SPG11: variants seen among roughly 807,000 people sequenced by gnomAD.
The protein encoded by SPG11 is SPG11 vesicle trafficking associated, spatacsin.
A neutral mutation model predicts 274.0 loss-of-function variants in SPG11; 222 were observed. The observed-to-expected ratio is 0.81, with a 90% CI of 0.73 to 0.91. The LOEUF is 0.91. Among genes scored for constraint, SPG11 ranks in the 40% least tolerant of loss-of-function variants. SPG11 has a pLI of 0.00. For synonymous variants in SPG11, 1,144 were observed against 1,039.7 expected, an observed-to-expected ratio of 1.10 and a Z score of -1.93; for missense variants, 3,114 against 2,872.7, an observed-to-expected ratio of 1.08 and a Z score of -1.92.
intron 33 of SPG11, chr15:44,572,372 C>T (rs1316698514): frequency 2.7e-6 from 1 of 373,016 alleles, no homozygotes; most frequent in South Asian, 2.3e-5. Flanking sequence ...ATGTAATCAG[C>T]TTTCCTAAGG....
chr15:44,588,934 T>G (rs1184827725), intron 28 of SPG11, among the ~76,000 whole-genome samples: 3 of 152,190 alleles, frequency 2.0e-5, no homozygotes, highest in Non-Finnish European at 4.4e-5. Context: ...AGTGTATGTC[T>G]TGATCTGTTG....
Position 44,569,399 on chromosome 15 carries a change from G to A in SPG11, c.6584C>T (p.Pro2195Leu), listed in dbSNP as rs765217079. Reference protein sequence around the residue: ...FEVLMRKKLDPSGTLKTALLD... With the variant: ...FEVLMRKKLDLSGTLKTALLD... The stretch of plus-strand genomic sequence containing the variant: ...TGGAGCTCATTACTTTGCACCTACC[G>A]GATCCAACTTCTTCCTCATTAGCAC... The change falls in exon 35 of 40, where the codon CCG becomes CTG. Residue 2195 changes from proline (P) to leucine (L), a missense_variant and splice_region_variant. Physicochemically the swap from Pro to Leu is moderately conservative, Grantham distance 98 (BLOSUM62 -3). Transcript: ENST00000261866. 25 of 1,596,854 alleles carry A rather than the reference G, an allele frequency of 1.6e-5. No homozygotes were observed. The highest frequency in any genetic ancestry group is 1.7e-4 in the Middle Eastern group (1 of 6,056).
chr15:44,571,633 GA>G (rs2082428071), intron 33 of SPG11, among the ~76,000 whole-genome samples: 1 of 151,794 alleles, frequency 6.6e-6, no homozygotes, highest in East Asian at 1.9e-4. Flanking sequence ...GAGTAGCTGG[GA>G]CTACAGGCAC....
chr15:44,622,430 G>A, intron 12 of SPG11, 83 bp from the exon 13 acceptor site: 1 of 1,119,392 alleles, frequency 8.9e-7, no homozygotes, highest in Non-Finnish European at 1.3e-6. Flanking sequence ...ATCAAATAAG[G>A]TAGTGCTGGG....
intron 36 of SPG11, 65 bp downstream of exon 36, chr15:44,567,359 A>AAAG: frequency 6.3e-7 from 1 of 1,579,428 alleles, no homozygotes; most frequent in East Asian, 2.3e-5. Context: ...CAAAAAAAAA[A>AAAG]AAAAAAAAGG....
intron 7 of SPG11, among the ~76,000 whole-genome samples, chr15:44,639,733 G>C (rs1356642761): frequency 2.0e-5 from 3 of 151,546 alleles, no homozygotes; most frequent in Admixed American, 6.6e-5. Context: ...TACATACAAG[G>C]ATTTGAAAAG....
At chr15:44,599,845 CTCA>C (rs1475974234) in intron 21 of SPG11, among the ~76,000 whole-genome samples, 1 of 152,038 alleles carries the variant, frequency 6.6e-6, no homozygotes, top group African/African-American at 2.4e-5. Flanking sequence ...GAATTCACAT[CTCA>C]TCATATAATT....
At chr15:44,590,024 G>A (rs2082865733) in intron 27 of SPG11, among the ~76,000 whole-genome samples, 1 of 152,118 alleles carries the variant, frequency 6.6e-6, no homozygotes, top group Non-Finnish European at 1.5e-5. Context: ...GGTCAGACTG[G>A]TCTCGAACTC....
At chr15:44,563,816 G>A (rs1595813884) in intron 39 of SPG11, among the ~76,000 whole-genome samples, 1 of 152,128 alleles carries the variant, frequency 6.6e-6, no homozygotes, top group Non-Finnish European at 1.5e-5. Context: ...TTGAGTGAGG[G>A]CTGTCAGCTC....
At chr15:44,628,898 T>G in intron 9 of SPG11, 54 bp from the exon 10 acceptor site, 1 of 1,502,104 alleles carries the variant, frequency 6.7e-7, no homozygotes, top group Non-Finnish European at 9.2e-7. Context: ...ATATAAACCA[T>G]GAGCTGTTAT....
Position 44,598,675 on chromosome 15 carries a change from C to T in SPG11, c.3848G>A (p.Cys1283Tyr), listed in dbSNP as rs745718551. The T allele has an allele frequency of 5.0e-6, 8 of 1,614,102 alleles. No homozygotes were observed. The African/African-American group carries it at 1.1e-4, about 22-fold the overall frequency. ...KVANIILSYKCRNEDAQYSFI... is the reference protein window; with the variant it reads ...KVANIILSYKYRNEDAQYSFI... The stretch of plus-strand genomic sequence containing the variant: ...GCTGTACTGAGCATCTTCATTTCTG[C>T]ACTTGTAGCTCAAAATTATATTGGC... The change falls in exon 22 of 40, where the codon TGC becomes TAC. Residue 1283 changes from cysteine to tyrosine, a missense_variant. Cys to Tyr is a radical substitution (Grantham distance 194). Coordinates refer to ENST00000261866, the MANE Select transcript of SPG11 (RefSeq NM_025137.4).
intron 30 of SPG11, chr15:44,575,355 G>A (rs1279892434): frequency 9.8e-6 from 3 of 306,804 alleles, no homozygotes; most frequent in Non-Finnish European, 1.9e-5. Context: ...TATCAAATAA[G>A]TCACCAAGTA....
rs115503891 is a variant in SPG11, at chr15:44,653,077, C to T, written c.870-811G>A. On this transcript the variant is annotated intron_variant, in intron 4 of 39. Transcript: ENST00000261866. ...TGTTACATTTGAGAAACAAAGAAGGCTAGGGTGGCTAATGTACAGAAAATG... is the reference window on the plus strand; with the variant it reads ...TGTTACATTTGAGAAACAAAGAAGGTTAGGGTGGCTAATGTACAGAAAATG... Among the ~76,000 whole-genome samples the T allele has an allele frequency of 5.9e-3, 895 of 152,062 alleles. 17 individuals carry two copies. Among genetic ancestry groups the T allele is most frequent in the African/African-American group, 0.021 (853 of 41,472 alleles).
intron 27 of SPG11, among the ~76,000 whole-genome samples, chr15:44,589,979 T>C (rs998256735): frequency 1.3e-5 from 2 of 152,148 alleles, no homozygotes; most frequent in Admixed American, 6.5e-5. Flanking sequence ...GCTAATTTTT[T>C]TGTATTTTTA....
intron 11 of SPG11, among the ~76,000 whole-genome samples, chr15:44,623,409 A>G (rs971450417): frequency 2.0e-5 from 3 of 152,154 alleles, no homozygotes; most frequent in Non-Finnish European, 2.9e-5. Context: ...ACAATGATCA[A>G]TGCAAACAAC....
At chr15:44,653,455 C>A (rs1322488965) in intron 4 of SPG11, among the ~76,000 whole-genome samples, 1 of 152,082 alleles carries the variant, frequency 6.6e-6, no homozygotes, top group Non-Finnish European at 1.5e-5. Context: ...AAGGTAGATA[C>A]CCCTGCCCCA....
At position 44,573,892 on chromosome 15, in the gene SPG11, G is replaced by A. The variant is rs116029561; in HGVS notation, c.6007-147C>T. 2.3e-3 allele frequency: 1,697 copies of A among 748,188 alleles called. 24 individuals are homozygous for A. In the African/African-American group the frequency reaches 0.026, roughly 11 times the overall value. 46.3% of individuals were successfully genotyped at this position (748,188 alleles called of 1,614,324 possible). On this transcript the variant is annotated intron_variant, in intron 31 of 39. Transcript: ENST00000261866. Reference sequence around the variant, plus strand: ...TCAGCAGGAACCTTAGAAAAAGCAAGTACTGTTTTCTAACCCTTTCTATCA... The same window carrying A: ...TCAGCAGGAACCTTAGAAAAAGCAAATACTGTTTTCTAACCCTTTCTATCA...
chr15:44,564,571 C>T lies in SPG11; in HGVS notation c.7127G>A (p.Ser2376Asn). 10 of 1,614,002 alleles carry T rather than the reference C, an allele frequency of 6.2e-6. No homozygotes were observed. The highest frequency in any genetic ancestry group is 8.5e-6 in the Non-Finnish European group (10 of 1,179,914). The change falls in exon 39 of 40, where the codon AGT becomes AAT. Residue 2376 changes from serine (S) to asparagine (N), a missense_variant. Physicochemically the swap from Ser to Asn is conservative, Grantham distance 46. Transcript: ENST00000261866. Reference protein sequence around the residue: ...EFKQQRLLKSSIFEEISKKYK... With the variant: ...EFKQQRLLKSNIFEEISKKYK... The stretch of plus-strand genomic sequence containing the variant: ...CTTTTTGGAAATCTCTTCAAATATA[C>T]TGGACTTTAATAACCTTTGCTGCTT...
chr15:44,661,752 A>G (rs1469079524), intron 1 of SPG11, among the ~76,000 whole-genome samples: 1 of 152,180 alleles, frequency 6.6e-6, no homozygotes, highest in Non-Finnish European at 1.5e-5. Context: ...ATATTGCCAC[A>G]TGGAAAGACA....
Sources: gnomAD v4.1 joint callset for allele counts (sites outside exome capture counted in the v4.1 genomes callset) on GRCh38, gnomAD v4.1.1 for gene constraint, MANE v1.5 for transcripts, NCBI Gene and HGNC (gene_info 2026-07-23, HGNC 2026-07-21) for gene names.